TBC1D8: variants seen among roughly 807,000 people sequenced by gnomAD.
TBC1D8 encodes the protein BUB2-like protein 1.
In TBC1D8, 65 loss-of-function variants were observed where a neutral mutation model predicts 118.8. That is an observed-to-expected ratio of 0.55 (90% CI 0.45 to 0.67). TBC1D8 has a LOEUF of 0.67. TBC1D8 is among the 30% of genes least tolerant of loss of function. The probability of loss-of-function intolerance (pLI) is 0.00; values close to 1 mark genes in which losing one functional copy is unlikely to be tolerated. For missense variants in TBC1D8, 1,376 were observed against 1,471.2 expected (o/e 0.94, Z 1.06); for synonymous variants, 566 against 595.8 (o/e 0.95, Z 0.73).
Position 101,096,161 on chromosome 2 carries a change from C to T in TBC1D8, c.128-5797G>A, listed in dbSNP as rs1357711643. 2.0e-5 allele frequency among the ~76,000 whole-genome samples: 3 copies of T among 152,242 alleles called. No individual in the cohort carries two copies. In the East Asian group the frequency reaches 5.8e-4, roughly 29 times the overall value. Reference sequence around the variant, plus strand: ...CTAGTCTCGAACTCCTAGGCTCAGACAATTCTCCCACCTTGACATCTCATA... The same window carrying T: ...CTAGTCTCGAACTCCTAGGCTCAGATAATTCTCCCACCTTGACATCTCATA... On this transcript the variant is annotated intron_variant, in intron 1 of 19. Coordinates refer to ENST00000409318, the MANE Select transcript of TBC1D8 (RefSeq NM_001330348.2).
At chr2:101,097,111 T>A (rs1056891433) in intron 1 of TBC1D8, among the ~76,000 whole-genome samples, 1 of 152,016 alleles carries the variant, frequency 6.6e-6, no homozygotes, top group African/African-American at 2.4e-5. Flanking sequence ...GGAACAAAGA[T>A]AAGAATTACT....
chr2:101,054,123 A>G lies in TBC1D8; in HGVS notation c.616T>C (p.Phe206Leu). The G allele has an allele frequency of 6.2e-7, 1 of 1,612,062 alleles. No homozygotes were observed. Among genetic ancestry groups the G allele is most frequent in the Non-Finnish European group, 8.5e-7 (1 of 1,179,098 alleles). The change falls in exon 4 of 20, where the codon TTC (phenylalanine) becomes CTC (leucine). Residue 206 changes from phenylalanine (F) to leucine (L), a missense_variant. Transcript: ENST00000409318. ...SINHLCFYSF[F>L]LGKELKLVVP... ...CCTCACTTACGTTCCTTGCCCAGGA[A>G]GAAGGAGTAGAAGCAGAGGTGGTTG...
At chr2:101,139,056 T>C (rs913108726) in intron 1 of TBC1D8, among the ~76,000 whole-genome samples, 1 of 151,878 alleles carries the variant, frequency 6.6e-6, no homozygotes, top group African/African-American at 2.4e-5. Flanking sequence ...TCTTAATATG[T>C]CACAGGTAGT....
intron 1 of TBC1D8, among the ~76,000 whole-genome samples, chr2:101,121,589 G>A (rs1351880687): frequency 3.3e-5 from 5 of 152,240 alleles, no homozygotes; most frequent in Non-Finnish European, 7.3e-5. Flanking sequence ...TCATTTGTAA[G>A]GGCGCTAGTC....
Position 101,113,264 on chromosome 2 carries a change from T to C in TBC1D8, c.128-22900A>G, listed in dbSNP as rs141977352. ...CATATAAAACCACAAAGAAGAAAACTAAGCTTAATCGCTCATCTTGCCACT... is the reference window on the plus strand; with the variant it reads ...CATATAAAACCACAAAGAAGAAAACCAAGCTTAATCGCTCATCTTGCCACT... On this transcript the variant is annotated intron_variant, in intron 1 of 19. Coordinates refer to ENST00000409318, the MANE Select transcript of TBC1D8 (RefSeq NM_001330348.2). Among the ~76,000 whole-genome samples the C allele has an allele frequency of 2.8e-3, 429 of 152,206 alleles. 3 individuals are homozygous for C. Among genetic ancestry groups the C allele is most frequent in the African/African-American group, 9.7e-3 (402 of 41,512 alleles).
chr2:101,106,311 A>G (rs1677212992), intron 1 of TBC1D8, among the ~76,000 whole-genome samples: 1 of 152,250 alleles, frequency 6.6e-6, no homozygotes, highest in Non-Finnish European at 1.5e-5. Flanking sequence ...GTGTTTGTCA[A>G]AACCCACAGA....
At chr2:101,015,750 G>A (rs74472558) in intron 17 of TBC1D8, among the ~76,000 whole-genome samples, 2 of 152,180 alleles carry the variant, frequency 1.3e-5, no homozygotes, top group East Asian at 3.8e-4. Context: ...ACAGAACAGA[G>A]CCCTCAGAAA....
intron 1 of TBC1D8, among the ~76,000 whole-genome samples, chr2:101,122,383 CAAAAAAAAAAAAAAAAAAA>C (rs70943064): frequency 1.4e-5 from 1 of 71,934 alleles, no homozygotes; most frequent in Non-Finnish European, 2.8e-5. Flanking sequence ...GACTCCATTT[CAAAAAAAAAAAAAAAAAAA>C]AAAAAAAAAG....
intron 1 of TBC1D8, among the ~76,000 whole-genome samples, chr2:101,135,413 C>T (rs1321084693): frequency 2.0e-5 from 3 of 150,720 alleles, no homozygotes; most frequent in Non-Finnish European, 3.0e-5. Flanking sequence ...TGTAGCTCAA[C>T]TAATAAAAAA....
intron 1 of TBC1D8, among the ~76,000 whole-genome samples, chr2:101,120,802 C>T (rs1395026284): frequency 6.6e-6 from 1 of 152,222 alleles, no homozygotes; most frequent in Non-Finnish European, 1.5e-5. Flanking sequence ...TGGCTCACAA[C>T]CACGGGCTAG....
intron 1 of TBC1D8, among the ~76,000 whole-genome samples, chr2:101,110,909 G>A (rs1200774139): frequency 6.6e-6 from 1 of 151,110 alleles, no homozygotes; most frequent in Non-Finnish European, 1.5e-5. Flanking sequence ...GAACCCGGGA[G>A]GTGGAGGTTG....
At position 101,087,450 on chromosome 2, in the gene TBC1D8, A is replaced by C. The variant is rs145633629; in HGVS notation, c.283+2759T>G. On this transcript the variant is annotated intron_variant, in intron 2 of 19. Transcript: ENST00000409318. The stretch of plus-strand genomic sequence containing the variant: ...TCAGGAGTTTCAGACCAGCCTGACC[A>C]ATAGGTAAAAAAAAAACCCTGTCTC... Among the ~76,000 whole-genome samples, 11 of 152,026 alleles carry C rather than the reference A, an allele frequency of 7.2e-5. No homozygotes were observed. In the East Asian group the frequency reaches 2.1e-3, roughly 30 times the overall value.
intron 1 of TBC1D8, among the ~76,000 whole-genome samples, chr2:101,111,933 C>A (rs1677612948): frequency 6.7e-6 from 1 of 149,022 alleles, no homozygotes. Context: ...AAAAAAAAAA[C>A]CTGTGAAATT....
At chr2:101,113,689 A>G (rs1677700995) in intron 1 of TBC1D8, among the ~76,000 whole-genome samples, 1 of 152,244 alleles carries the variant, frequency 6.6e-6, no homozygotes, top group Admixed American at 6.5e-5. Flanking sequence ...CTCCTGGATC[A>G]GAGAAAAACA....
At chr2:101,052,624 G>C (rs775524455) in intron 4 of TBC1D8, among the ~76,000 whole-genome samples, 18 of 151,998 alleles carry the variant, frequency 1.2e-4, no homozygotes, top group Non-Finnish European at 2.2e-4. Flanking sequence ...CCATAGGCGT[G>C]CACCACCGTG....
chr2:101,100,977 T>C (rs933851345), intron 1 of TBC1D8, among the ~76,000 whole-genome samples: 1 of 152,190 alleles, frequency 6.6e-6, no homozygotes, highest in Non-Finnish European at 1.5e-5. Context: ...ATCCAGGACA[T>C]AGACATGAGC....
intron 1 of TBC1D8, among the ~76,000 whole-genome samples, chr2:101,120,769 T>G (rs969070191): frequency 2.0e-5 from 3 of 152,186 alleles, no homozygotes; most frequent in Non-Finnish European, 4.4e-5. Context: ...GGGCAGTGAC[T>G]CATGTCTGAC....
chr2:101,100,756 T>G (rs1676772436), intron 1 of TBC1D8, among the ~76,000 whole-genome samples: 1 of 152,122 alleles, frequency 6.6e-6, no homozygotes, highest in Admixed American at 6.6e-5. Flanking sequence ...CCATCTGATC[T>G]TCAACAAACC....
intron 2 of TBC1D8, among the ~76,000 whole-genome samples, chr2:101,076,383 T>C (rs1674821399): frequency 6.6e-6 from 1 of 152,192 alleles, no homozygotes; most frequent in African/African-American, 2.4e-5. Flanking sequence ...GAACTAATCT[T>C]AGCATCAATA....
Sources: gnomAD v4.1 joint callset for allele counts (sites outside exome capture counted in the v4.1 genomes callset) on GRCh38, gnomAD v4.1.1 for gene constraint, MANE v1.5 for transcripts, NCBI Gene and HGNC (gene_info 2026-07-23, HGNC 2026-07-21) for gene names.